ACTR3C: variants seen among roughly 807,000 people sequenced by gnomAD.
ACTR3C encodes the protein actin-related protein 3C.
A neutral mutation model predicts 26.3 loss-of-function variants in ACTR3C; 18 were observed. The ratio of observed to expected loss-of-function variants is 0.68; its 90% confidence interval spans 0.47 to 1.01. ACTR3C has a LOEUF of 1.01. ACTR3C is among the 50% of genes least tolerant of loss of function. The pLI is 0.00. For missense variants in ACTR3C, 184 were observed against 250.7 expected (o/e 0.73, Z 1.80); for synonymous variants, 55 against 94.5 (o/e 0.58, Z 2.42).
chr7:149,959,801 G>A, the ACTR3C span, among the ~76,000 whole-genome samples: 1 of 152,176 alleles, frequency 6.6e-6, no homozygotes, highest in South Asian at 2.1e-4. Context: ...AAAGGTACAG[G>A]GAAGGGCTTC....
At chr7:150,282,105 T>G (rs2689574) in intron 6 of ACTR3C, among the ~76,000 whole-genome samples, 14,236 of 121,006 alleles carry the variant, frequency 0.12, 1,772 homozygotes, top group African/African-American at 0.33. Flanking sequence ...CGTGGCTACA[T>G]GAGAGGCAGT....
chr7:149,984,656 G>A, the ACTR3C span, among the ~76,000 whole-genome samples: 4 of 151,742 alleles, frequency 2.6e-5, no homozygotes, highest in Non-Finnish European at 5.9e-5. Flanking sequence ...GATGGGAATT[G>A]TAAAGTAAGT....
chr7:150,150,755 AAAT>A, the ACTR3C span, among the ~76,000 whole-genome samples: 2 of 138,416 alleles, frequency 1.4e-5, 1 homozygote, highest in African/African-American at 5.0e-5. Flanking sequence ...TCTTCCTCTT[AAAT>A]ATTATGTAAA....
At chr7:149,963,446 G>A in the ACTR3C span, among the ~76,000 whole-genome samples, 1 of 152,138 alleles carries the variant, frequency 6.6e-6, no homozygotes, top group South Asian at 2.1e-4. Context: ...CCTAACTAAT[G>A]TCATCCTGTG....
chr7:150,231,064 A>G, the ACTR3C span, among the ~76,000 whole-genome samples: 1 of 152,032 alleles, frequency 6.6e-6, no homozygotes, highest in Non-Finnish European at 1.5e-5. Context: ...TCTCTTATAT[A>G]TTCAGTAATA....
chr7:150,014,745 A>G, the ACTR3C span, among the ~76,000 whole-genome samples: 2 of 152,240 alleles, frequency 1.3e-5, no homozygotes, highest in African/African-American at 4.8e-5. Context: ...TCTGTGAGCC[A>G]GGACTTTCTG....
At chr7:150,026,237 C>G in the ACTR3C span, among the ~76,000 whole-genome samples, 1 of 152,030 alleles carries the variant, frequency 6.6e-6, no homozygotes. Flanking sequence ...TTTGTTTGCT[C>G]TATTTCAGTC....
chr7:150,159,833 C>G, the ACTR3C span, among the ~76,000 whole-genome samples: 2 of 152,154 alleles, frequency 1.3e-5, no homozygotes, highest in African/African-American at 4.8e-5. Context: ...GAGTCTCGCT[C>G]TGTGGCCCAG....
the ACTR3C span, among the ~76,000 whole-genome samples, chr7:150,064,565 CA>C: frequency 0.34 from 48,153 of 139,578 alleles, 8,795 homozygotes; most frequent in African/African-American, 0.52. Flanking sequence ...GACTTGATCT[CA>C]AAAAAAAAAA....
At chr7:149,904,590 A>G in the ACTR3C span, among the ~76,000 whole-genome samples, 26,644 of 86,004 alleles carry the variant, frequency 0.31, 6,324 homozygotes, top group Middle Eastern at 0.45. Flanking sequence ...TGAAAAACAC[A>G]AGAGACATGA....
At chr7:149,988,042 A>G in the ACTR3C span, among the ~76,000 whole-genome samples, 9 of 152,252 alleles carry the variant, frequency 5.9e-5, no homozygotes, top group Non-Finnish European at 1.2e-4. Flanking sequence ...GGATTTAGCC[A>G]AGGCCCAGGA....
the ACTR3C span, among the ~76,000 whole-genome samples, chr7:149,961,365 T>C: frequency 7.3e-5 from 11 of 151,108 alleles, no homozygotes; most frequent in Non-Finnish European, 1.5e-4. Context: ...TCACAGGAAG[T>C]TTACAGATAG....
chr7:149,951,281 C>T, the ACTR3C span, among the ~76,000 whole-genome samples: 1 of 135,512 alleles, frequency 7.4e-6, no homozygotes, highest in Non-Finnish European at 1.5e-5. Context: ...GGGATGTAAA[C>T]ACTGACACAT....
At chr7:150,079,679 G>A in the ACTR3C span, among the ~76,000 whole-genome samples, 4 of 152,110 alleles carry the variant, frequency 2.6e-5, no homozygotes, top group Non-Finnish European at 4.4e-5. Context: ...CTGGGGAGAG[G>A]CTCACAGCTC....
chr7:150,041,098 G>C, the ACTR3C span, among the ~76,000 whole-genome samples: 2 of 150,548 alleles, frequency 1.3e-5, no homozygotes, highest in African/African-American at 5.0e-5. Flanking sequence ...AATGGAAAAG[G>C]CTTTGTCAGA....
the ACTR3C span, among the ~76,000 whole-genome samples, chr7:150,023,256 T>C: frequency 3.9e-5 from 2 of 51,244 alleles, no homozygotes; most frequent in African/African-American, 1.1e-4. Context: ...TCTATATAGA[T>C]CTCTATATAT....
At chr7:150,266,657 T>C (rs1328394701) in intron 6 of ACTR3C, among the ~76,000 whole-genome samples, 1 of 151,908 alleles carries the variant, frequency 6.6e-6, no homozygotes, top group Non-Finnish European at 1.5e-5. Flanking sequence ...AGAAAAAAAA[T>C]CTGCAACACA....
chr7:149,898,920 T>C, the ACTR3C span, among the ~76,000 whole-genome samples: 1 of 151,866 alleles, frequency 6.6e-6, no homozygotes, highest in Non-Finnish European at 1.5e-5. Context: ...TGGAGAAATC[T>C]GTCTAAATAA....
rs1796206989 is a variant in ACTR3C, at chr7:150,310,473, G to T, written c.-52+12996C>A. Among the ~76,000 whole-genome samples, 4 of 145,218 alleles carry T rather than the reference G, an allele frequency of 2.8e-5. No homozygotes were observed. In the South Asian group the frequency reaches 8.3e-4, roughly 30 times the overall value. On this transcript the variant is annotated intron_variant, in intron 1 of 7. Transcript: ENST00000683684. ...ATCCAGAAACCGGGCAAGTCCTACAGGCTAGTTCAAGACCTTTGCCTCATA... is the reference window on the plus strand; with the variant it reads ...ATCCAGAAACCGGGCAAGTCCTACATGCTAGTTCAAGACCTTTGCCTCATA...
Sources: gnomAD v4.1 joint callset for allele counts (sites outside exome capture counted in the v4.1 genomes callset) on GRCh38, gnomAD v4.1.1 for gene constraint, MANE v1.5 for transcripts, NCBI Gene and HGNC (gene_info 2026-07-23, HGNC 2026-07-21) for gene names.